RGS3: variants seen among roughly 807,000 people sequenced by gnomAD.
RGS3 encodes regulator of G-protein signalling 3.
Under a neutral mutation model 132.6 loss-of-function variants are expected in RGS3, and 80 were observed. The ratio of observed to expected loss-of-function variants is 0.60; its 90% CI spans 0.50 to 0.73. RGS3 has a LOEUF of 0.73. Among genes scored for constraint, RGS3 ranks in the 30% least tolerant of loss-of-function variants. RGS3 has a pLI of 0.00. For missense variants in RGS3, 1,382 were observed against 1,530.8 expected (o/e 0.90, Z 1.62); for synonymous variants, 598 against 620.6 (o/e 0.96, Z 0.54).
intron 19 of RGS3, chr9:113,541,441 C>T (rs781301197): frequency 1.4e-5 from 23 of 1,611,440 alleles, no homozygotes; most frequent in East Asian, 8.9e-5. Context: ...AACCCAAGGG[C>T]GGGACTCTGC....
chr9:113,476,472 AC>A (rs1334496246), intron 3 of RGS3, among the ~76,000 whole-genome samples: 1 of 152,130 alleles, frequency 6.6e-6, no homozygotes, highest in African/African-American at 2.4e-5. Context: ...GATCTTGTGA[AC>A]TGGGGCAGGT....
intron 19 of RGS3, chr9:113,541,570 A>G: frequency 7.0e-7 from 1 of 1,424,058 alleles, no homozygotes; most frequent in Non-Finnish European, 9.2e-7. Flanking sequence ...AGTGGTCCCA[A>G]GGGTGCATGT....
At chr9:113,556,772 C>A (rs1051980413) in intron 19 of RGS3, among the ~76,000 whole-genome samples, 2 of 152,170 alleles carry the variant, frequency 1.3e-5, no homozygotes, top group Non-Finnish European at 2.9e-5. Context: ...CTGAAACAGA[C>A]TGGGCTACTG....
At chr9:113,508,914 G>A (rs1343174659) in intron 14 of RGS3, among the ~76,000 whole-genome samples, 1 of 152,146 alleles carries the variant, frequency 6.6e-6, no homozygotes, top group Non-Finnish European at 1.5e-5. Flanking sequence ...ATGTGGTTGG[G>A]CTTGCATGGA....
intron 19 of RGS3, among the ~76,000 whole-genome samples, chr9:113,576,746 G>A (rs1834545839): frequency 6.6e-6 from 1 of 152,246 alleles, no homozygotes; most frequent in African/African-American, 2.4e-5. Flanking sequence ...GACTTTATCT[G>A]AGAGGTATTG....
At chr9:113,582,484 C>G (rs1834874615) in intron 19 of RGS3, 1 of 152,306 alleles carries the variant, frequency 6.6e-6, no homozygotes, top group Non-Finnish European at 1.5e-5. Flanking sequence ...AACCTGGGCT[C>G]TAAATAAATA....
chr9:113,462,294 A>C, intron 3 of RGS3: 1 of 16,050 alleles, frequency 6.2e-5, no homozygotes, highest in Non-Finnish European at 1.1e-4. Context: ...CCGGGGTTGG[A>C]GGGGGAGAGT....
At chr9:113,552,074 C>T (rs572809467) in intron 19 of RGS3, among the ~76,000 whole-genome samples, 5 of 152,146 alleles carry the variant, frequency 3.3e-5, no homozygotes, top group South Asian at 4.1e-4. Flanking sequence ...TTGCCTTTGG[C>T]GTATGATATT....
At chr9:113,531,973 G>A (rs916314999) in intron 18 of RGS3, among the ~76,000 whole-genome samples, 11 of 152,222 alleles carry the variant, frequency 7.2e-5, no homozygotes, top group African/African-American at 2.4e-4. Flanking sequence ...AGGCAAGAGC[G>A]GGATTTTAAA....
intron 23 of RGS3, chr9:113,595,220 A>T: frequency 1.7e-6 from 1 of 590,402 alleles, no homozygotes; most frequent in Non-Finnish European, 3.0e-6. Context: ...GGCCCGTGGG[A>T]CCTGTGTGCT....
At chr9:113,450,854 A>G (rs981303043) in intron 1 of RGS3, among the ~76,000 whole-genome samples, 1 of 152,090 alleles carries the variant, frequency 6.6e-6, no homozygotes, top group Non-Finnish European at 1.5e-5. Context: ...TGCGGAGTGA[A>G]TGAAGTTTCA....
chr9:113,565,848 C>A lies in RGS3; in HGVS notation c.2038-17602C>A. On this transcript the variant is annotated intron_variant, in intron 19 of 24. Transcript: ENST00000350696. The surrounding 1 kb of genome is among the most constrained non-coding windows in gnomAD (Gnocchi z 5.7). ...CATTGATAGGCATGTTGCAACCAAACCATTTGTGCTCTGTTCTGAGATAGC... is the reference window on the plus strand; with the variant it reads ...CATTGATAGGCATGTTGCAACCAAAACATTTGTGCTCTGTTCTGAGATAGC... The A allele has an allele frequency of 5.4e-6, 1 of 185,858 alleles. No homozygotes were observed. The highest frequency in any genetic ancestry group is 1.1e-5 in the Non-Finnish European group (1 of 88,682). 11.5% of individuals were successfully genotyped at this position (185,858 alleles called of 1,614,324 possible).
intron 19 of RGS3, among the ~76,000 whole-genome samples, chr9:113,578,361 T>G (rs565226540): frequency 1.7e-4 from 26 of 152,164 alleles, no homozygotes; most frequent in Non-Finnish European, 3.1e-4. Flanking sequence ...TGTGAGGAGA[T>G]TCTAGAAATC....
chr9:113,499,577 C>T (rs1331511941), intron 10 of RGS3, among the ~76,000 whole-genome samples: 4 of 152,258 alleles, frequency 2.6e-5, no homozygotes, highest in Non-Finnish European at 5.9e-5. Flanking sequence ...AACATTTTCA[C>T]GTTCACTGAC....
chr9:113,586,193 A>C (rs1030451337), intron 20 of RGS3, among the ~76,000 whole-genome samples: 25 of 152,182 alleles, frequency 1.6e-4, no homozygotes, highest in African/African-American at 6.0e-4. Flanking sequence ...CTTCCAAGGC[A>C]AGGCCTCAGG....
In RGS3 at chr9:113,463,590, C is replaced by A; in HGVS notation, c.415+1389C>A. On this transcript the variant is annotated intron_variant, in intron 3 of 24. Transcript: ENST00000350696. The surrounding 1 kb of genome is among the most constrained non-coding windows in gnomAD (Gnocchi z 4.6). ...AGCGCGGGTCGGCGGCGCCGCCTCCCCCACCCCGGCCCAGCTCTGCTCCGG... is the reference window on the plus strand; with the variant it reads ...AGCGCGGGTCGGCGGCGCCGCCTCCACCACCCCGGCCCAGCTCTGCTCCGG... 1.0e-6 allele frequency: 1 copy of A among 966,762 alleles called. No individual in the cohort carries two copies. Among genetic ancestry groups the A allele is most frequent in the Non-Finnish European group, 1.4e-6 (1 of 721,820 alleles). The allele number at this position is 966,762 out of a possible 1,614,324, so 59.9% of individuals were successfully genotyped here.
chr9:113,484,209 G>A (rs1034344112), exon 6 of RGS3: 18 of 1,610,704 alleles, frequency 1.1e-5, no homozygotes, highest in African/African-American at 6.7e-5. Context: ...GCAGAGACCC[G>A]GCTTTCCACG....
chr9:113,495,957 C>A, intron 8 of RGS3, 111 bp downstream of exon 6: 1 of 947,602 alleles, frequency 1.1e-6, no homozygotes. Flanking sequence ...AGATGGTGCC[C>A]CACTGAGACA....
chr9:113,593,849 CT>C, intron 21 of RGS3: 13 of 1,476,504 alleles, frequency 8.8e-6, no homozygotes, highest in Non-Finnish European at 1.2e-5. Flanking sequence ...AGTGCCTCCC[CT>C]GGCTCCCTCC....
Sources: allele counts gnomAD v4.1 joint callset (sites outside exome capture counted in the v4.1 genomes callset), GRCh38; gene constraint gnomAD v4.1.1; non-coding constraint Gnocchi (gnomAD v3.1); transcripts MANE v1.5; gene names NCBI Gene and HGNC (gene_info 2026-07-23, HGNC 2026-07-21).